Variants in SLC6A17 observed in about 807,000 individuals in gnomAD.
SLC6A17 encodes solute carrier family 6 member 17.
Under a neutral mutation model 64.5 loss-of-function variants are expected in SLC6A17, and 21 were observed. That is an observed-to-expected ratio of 0.33 (90% CI 0.23 to 0.47). The LOEUF (loss-of-function observed/expected upper bound fraction) is 0.47, where lower values mean the gene tolerates loss of function less well. Ranked by LOEUF, SLC6A17 falls within the 20% of genes least tolerant of loss-of-function variation. The pLI is 1.00. For synonymous variants in SLC6A17, 372 were observed against 399.5 expected, an observed-to-expected ratio of 0.93 and a Z score of 0.82; for missense variants, 682 against 963.2, an observed-to-expected ratio of 0.71 and a Z score of 3.86.
Position 110,166,915 on chromosome 1 carries a change from GC to G in SLC6A17, c.-12del, listed in dbSNP as rs1656074965. 6.3e-7 allele frequency: 1 copy of G among 1,595,784 alleles called. No homozygotes were observed. The highest frequency in any genetic ancestry group is 8.6e-7 in the Non-Finnish European group (1 of 1,168,256). On this transcript the variant is annotated 5_prime_UTR_variant, in exon 2 of 12. Coordinates refer to ENST00000331565, the MANE Select transcript of SLC6A17 (RefSeq NM_001010898.4). ...GTGTGCTGGGGAGCAGGGCTACACG[GC>G]CCAGGTGGCATCAATGCCGAAGAAC...
At chr1:110,196,634 G>A (rs942793640) in intron 10 of SLC6A17, among the ~76,000 whole-genome samples, 1 of 152,172 alleles carries the variant, frequency 6.6e-6, no homozygotes, top group African/African-American at 2.4e-5. Flanking sequence ...GATAAAATGT[G>A]TAGGGTTATA....
At chr1:110,195,405 A>G (rs1226471983) in intron 9 of SLC6A17, among the ~76,000 whole-genome samples, 181 bp from the exon 10 acceptor site, 2 of 152,230 alleles carry the variant, frequency 1.3e-5, no homozygotes, top group East Asian at 3.9e-4. Context: ...CCCGACTAGT[A>G]GAGCGGGGCT....
At chr1:110,162,520 T>TG (rs1445744551) in intron 1 of SLC6A17, among the ~76,000 whole-genome samples, 1 of 152,216 alleles carries the variant, frequency 6.6e-6, no homozygotes, top group Non-Finnish European at 1.5e-5. Context: ...GGCCTGCTGA[T>TG]GCCTGGATTA....
In SLC6A17 at chr1:110,198,153, C is replaced by T. The variant is rs780578034; in HGVS notation, c.1893C>T (p.Pro631=). 3.7e-6 allele frequency: 6 copies of T among 1,613,932 alleles called. No individual in the cohort carries two copies. The highest frequency in any genetic ancestry group is 1.1e-5 in the South Asian group (1 of 91,064). The change falls in exon 12 of 12, where the codon CCC becomes CCT. Residue 631 remains proline, a synonymous_variant. Transcript: ENST00000331565. ...CCCTCATCGTCGTGGCGACGCTGCC[C>T]ATCCCTGTGGTGTTCGTCCTGCGGC... ...LITLIVVATL[P]IPVVFVLRHF... is the part of the protein sequence containing the mutation.
At chr1:110,190,889 G>A (rs1031478496) in intron 6 of SLC6A17, among the ~76,000 whole-genome samples, 6 of 152,180 alleles carry the variant, frequency 3.9e-5, no homozygotes, top group Non-Finnish European at 7.3e-5. Context: ...ACTCTGCCCC[G>A]ACTAACCAGC....
Position 110,198,222 on chromosome 1 carries a change from C to G in SLC6A17, c.1962C>G (p.Ser654=). Residue 654 remains serine (S), a synonymous_variant, in exon 12 of 12, where the codon TCC becomes TCG. Coordinates refer to ENST00000331565, the MANE Select transcript of SLC6A17 (RefSeq NM_001010898.4). The part of the protein sequence containing the change: ...LSDGSNTLSV[S]YKKGRMMKDI... Reference sequence around the variant, plus strand: ...ATGGCTCCAACACCCTCTCCGTGTCCTACAAGAAGGGCCGCATGATGAAGG... The same window carrying G: ...ATGGCTCCAACACCCTCTCCGTGTCGTACAAGAAGGGCCGCATGATGAAGG... 1.2e-6 allele frequency: 2 copies of G among 1,614,204 alleles called. No individual in the cohort carries two copies. Among genetic ancestry groups the G allele is most frequent in the Non-Finnish European group, 1.7e-6 (2 of 1,180,026 alleles).
chr1:110,173,897 T>TAATA, intron 3 of SLC6A17, 76 bp from the exon 4 acceptor site: 3 of 1,528,724 alleles, frequency 2.0e-6, no homozygotes, highest in South Asian at 2.6e-5. Flanking sequence ...GCCGACGTGC[T>TAATA]GGGCCTCGGG....
intron 3 of SLC6A17, 123 bp downstream of exon 3, chr1:110,172,340 C>T (rs1570987801): frequency 8.0e-7 from 1 of 1,256,290 alleles, no homozygotes; most frequent in East Asian, 2.6e-5. Context: ...GGAGGGGGAT[C>T]CTCAACATGG....
In SLC6A17 at chr1:110,192,301, G is replaced by A. The variant is rs1467953954; in HGVS notation, c.1106+88G>A. The A allele has an allele frequency of 6.5e-7, 1 of 1,542,526 alleles. No homozygotes were observed. The highest frequency in any genetic ancestry group is 8.8e-7 in the Non-Finnish European group (1 of 1,138,968). ...GGGTGGGGGCGCAGGTGTGCATGGG[G>A]AGAGAGGTCCCCTCCACTCAGACTG... On this transcript the variant is annotated intron_variant, in intron 7 of 11. Transcript: ENST00000331565. This position sits in a 1 kb window ranked among gnomAD's most constrained non-coding sequence, Gnocchi z 4.3.
chr1:110,176,290 G>T (rs1355436646), intron 5 of SLC6A17, among the ~76,000 whole-genome samples: 1 of 152,090 alleles, frequency 6.6e-6, no homozygotes, highest in Non-Finnish European at 1.5e-5. Flanking sequence ...CCCACTGGGG[G>T]AATGAGACAT....
rs577209902 is a variant in SLC6A17, at chr1:110,198,111, C to T, written c.1851C>T (p.Ala617=). Residue 617 remains alanine, a synonymous_variant, in exon 12 of 12, where the codon GCC becomes GCT. Coordinates refer to ENST00000331565, the MANE Select transcript of SLC6A17 (RefSeq NM_001010898.4). ...GCTACCTGTATTTCCCCAACTGGGC[C>T]ATGGCACTCCTGATCACCCTCATCG... ...AERYLYFPNW[A]MALLITLIVV... The T allele has an allele frequency of 6.2e-7, 1 of 1,613,800 alleles. No individual in the cohort carries two copies. Among genetic ancestry groups the T allele is most frequent in the African/African-American group, 1.3e-5 (1 of 74,920 alleles).
At chr1:110,153,743 T>G (rs1211846652) in intron 1 of SLC6A17, among the ~76,000 whole-genome samples, 1 of 152,180 alleles carries the variant, frequency 6.6e-6, no homozygotes, top group Non-Finnish European at 1.5e-5. Flanking sequence ...TTAATCCCTT[T>G]AAAGCTGCTA....
intron 3 of SLC6A17, 131 bp from the exon 4 acceptor site, chr1:110,173,842 C>A: frequency 7.4e-7 from 1 of 1,351,356 alleles, no homozygotes; most frequent in Non-Finnish European, 9.9e-7. Context: ...CGCACCCTAT[C>A]CCTCCTTGCC....
At chr1:110,180,173 A>T (rs1457842001) in intron 6 of SLC6A17, among the ~76,000 whole-genome samples, 1 of 152,260 alleles carries the variant, frequency 6.6e-6, no homozygotes, top group Admixed American at 6.5e-5. Context: ...ACCTGAACTC[A>T]TGTCCACAGA....
chr1:110,197,504 T>C lies in SLC6A17; in HGVS notation c.1720T>C (p.Phe574Leu), dbSNP rs570372477. 5 of 1,613,866 alleles carry C rather than the reference T, an allele frequency of 3.1e-6. No homozygotes were observed. In the South Asian group the frequency reaches 5.5e-5, roughly 18 times the overall value. ...PYRFYFYMWK[F>L]VSPLCMAVLT... Reference sequence around the variant, plus strand: ...CCGCTTCTATTTCTACATGTGGAAGTTCGTGTCTCCACTATGCATGGCTGT... The same window carrying C: ...CCGCTTCTATTTCTACATGTGGAAGCTCGTGTCTCCACTATGCATGGCTGT... The change falls in exon 11 of 12, where the codon TTC becomes CTC. Residue 574 changes from phenylalanine (F) to leucine (L), a missense_variant. Physicochemically the swap from Phe to Leu is conservative, Grantham distance 22. This residue lies in a region of SLC6A17 where 264 missense variants were observed against 339.5 expected (regional missense o/e 0.78). Coordinates refer to ENST00000331565, the MANE Select transcript of SLC6A17 (RefSeq NM_001010898.4).
chr1:110,159,014 C>A (rs1655830708), intron 1 of SLC6A17, among the ~76,000 whole-genome samples: 1 of 152,132 alleles, frequency 6.6e-6, no homozygotes, highest in Non-Finnish European at 1.5e-5. Context: ...AGGTAATTAT[C>A]CCTCTCAGCT....
In SLC6A17 at chr1:110,202,070, T is replaced by C. The variant is rs561045111; in HGVS notation, c.*3626T>C. On this transcript the variant is annotated 3_prime_UTR_variant, in exon 12 of 12. Transcript: ENST00000331565. ...ATAAGTTCAGAACAATTCAAGTCCA[T>C]GTGTCCCATGGCTGGTCAGAGCCCT... 5.3e-5 allele frequency: 8 copies of C among 152,320 alleles called. No homozygotes were observed. Among genetic ancestry groups the C allele is most frequent in the East Asian group, 1.9e-4 (1 of 5,166 alleles). 9.4% of individuals were successfully genotyped at this position (152,320 alleles called of 1,614,324 possible).
intron 1 of SLC6A17, among the ~76,000 whole-genome samples, chr1:110,155,169 T>C (rs1028606214): frequency 6.6e-6 from 1 of 152,174 alleles, no homozygotes; most frequent in Non-Finnish European, 1.5e-5. Context: ...GTATTAATGC[T>C]CCTCACTGGC....
intron 1 of SLC6A17, among the ~76,000 whole-genome samples, chr1:110,151,606 T>C (rs1269382047): frequency 6.6e-6 from 1 of 152,154 alleles, no homozygotes; most frequent in African/African-American, 2.4e-5. Context: ...TGCTGGATGC[T>C]CGCAGTACTA....
Sources: allele counts gnomAD v4.1 joint callset (sites outside exome capture counted in the v4.1 genomes callset), GRCh38; gene constraint gnomAD v4.1.1; regional missense constraint gnomAD v4.1.1; non-coding constraint Gnocchi (gnomAD v3.1); transcripts MANE v1.5; gene names NCBI Gene and HGNC (gene_info 2026-07-23, HGNC 2026-07-21).